SYNPO2: variants seen among roughly 807,000 people sequenced by gnomAD.
SYNPO2 encodes synaptopodin 2, also known as synaptopodin-2.
Under a neutral mutation model 85.0 loss-of-function variants are expected in SYNPO2, and 56 were observed. That is an observed-to-expected ratio of 0.66 (90% CI 0.53 to 0.82). The LOEUF (loss-of-function observed/expected upper bound fraction) is 0.82, where lower values mean the gene tolerates loss of function less well. SYNPO2 is among the 40% of genes least tolerant of loss of function. SYNPO2 has a pLI of 0.00. For synonymous variants in SYNPO2, 602 were observed against 591.1 expected, an observed-to-expected ratio of 1.02 and a Z score of -0.27; for missense variants, 1,575 against 1,534.2, an observed-to-expected ratio of 1.03 and a Z score of -0.44.
At chr4:118,993,073 G>A (rs1001651815) in intron 1 of SYNPO2, among the ~76,000 whole-genome samples, 3 of 152,164 alleles carry the variant, frequency 2.0e-5, no homozygotes, top group Admixed American at 1.3e-4. Context: ...GTAGATATGC[G>A]AGTTAATGGG....
chr4:119,006,998 T>G (rs1737054173), intron 1 of SYNPO2, among the ~76,000 whole-genome samples: 1 of 151,484 alleles, frequency 6.6e-6, no homozygotes, highest in African/African-American at 2.4e-5. Context: ...TTCATTACAT[T>G]TCGGGACTTC....
intron 1 of SYNPO2, among the ~76,000 whole-genome samples, chr4:119,003,853 A>G (rs1387765629): frequency 6.6e-6 from 1 of 152,166 alleles, no homozygotes; most frequent in African/African-American, 2.4e-5. Context: ...CTAGAAAGGT[A>G]TAAATTCCAG....
At chr4:119,042,348 T>C (rs576944779) in intron 4 of SYNPO2, 1 of 152,316 alleles carries the variant, frequency 6.6e-6, no homozygotes, top group South Asian at 2.1e-4. Flanking sequence ...ATGATACAAT[T>C]TTATTATCTA....
intron 4 of SYNPO2, among the ~76,000 whole-genome samples, chr4:119,038,958 G>A (rs1738622982): frequency 6.6e-6 from 1 of 151,146 alleles, no homozygotes; most frequent in African/African-American, 2.4e-5. Context: ...AGGAACTAGT[G>A]TGATAGATTC....
chr4:118,942,409 A>G (rs566583631), intron 1 of SYNPO2, among the ~76,000 whole-genome samples: 1 of 152,336 alleles, frequency 6.6e-6, no homozygotes, highest in South Asian at 2.1e-4. Context: ...TATTGACTGA[A>G]TGAAAGAATG....
At chr4:119,045,107 C>T (rs148296665) in intron 4 of SYNPO2, among the ~76,000 whole-genome samples, 223 of 152,238 alleles carry the variant, frequency 1.5e-3, no homozygotes, top group African/African-American at 5.1e-3. Context: ...TAAGATTTTT[C>T]TCTAAAAAAG....
intron 1 of SYNPO2, among the ~76,000 whole-genome samples, chr4:118,943,336 G>A (rs1734385244): frequency 6.6e-6 from 1 of 152,188 alleles, no homozygotes; most frequent in African/African-American, 2.4e-5. Flanking sequence ...GAGGGGCTCG[G>A]TATCAGAGCA....
At chr4:118,925,179 T>C (rs1240425154) in intron 1 of SYNPO2, among the ~76,000 whole-genome samples, 1 of 152,172 alleles carries the variant, frequency 6.6e-6, no homozygotes, top group African/African-American at 2.4e-5. Context: ...TTCAGTGCCA[T>C]GGTTATTCAA....
chr4:119,037,950 G>A (rs1268931299), intron 4 of SYNPO2: 1 of 206,952 alleles, frequency 4.8e-6, no homozygotes, highest in Admixed American at 6.5e-5. Flanking sequence ...CAATTATACT[G>A]TGATTTCATT....
chr4:118,990,616 T>C (rs1736380911), intron 1 of SYNPO2, among the ~76,000 whole-genome samples: 1 of 152,078 alleles, frequency 6.6e-6, no homozygotes, highest in South Asian at 2.1e-4. Flanking sequence ...TTTGTTTGTT[T>C]GTTTGTTTTT....
chr4:118,905,395 C>T (rs1341398710), intron 1 of SYNPO2, among the ~76,000 whole-genome samples: 2 of 151,852 alleles, frequency 1.3e-5, no homozygotes, highest in South Asian at 2.1e-4. Context: ...AACCTAATAT[C>T]GCCTTACCTG....
rs1170399126 is a variant in SYNPO2, at chr4:119,060,179, TAG to T, written c.*2250_*2251del. The T allele has an allele frequency of 1.1e-4, 17 of 152,160 alleles. No homozygotes were observed. Among genetic ancestry groups the T allele is most frequent in the African/African-American group, 4.1e-4 (17 of 41,452 alleles). 9.4% of individuals were successfully genotyped at this position (152,160 alleles called of 1,614,324 possible). ...ACTAAAATTTTCAGCAGACTCAAAATAGAGAGGAGACTTTAAACTTACATGTT... is the reference window on the plus strand; with the variant it reads ...ACTAAAATTTTCAGCAGACTCAAAATAGAGGAGACTTTAAACTTACATGTT... On this transcript the variant is annotated 3_prime_UTR_variant, in exon 5 of 5. Coordinates refer to ENST00000307142, the MANE Select transcript of SYNPO2 (RefSeq NM_133477.3).
chr4:119,028,549 A>C (rs1409848423), intron 3 of SYNPO2, among the ~76,000 whole-genome samples: 1 of 152,202 alleles, frequency 6.6e-6, no homozygotes, highest in African/African-American at 2.4e-5. Context: ...GCAACTGTGC[A>C]ACTGTGACTG....
rs111747074 is a variant in SYNPO2, at chr4:118,913,237, C to T, written c.105+24096C>T. 5.1e-3 allele frequency among the ~76,000 whole-genome samples: 776 copies of T among 152,046 alleles called. 7 individuals carry two copies. The highest frequency in any genetic ancestry group is 0.017 in the African/African-American group (687 of 41,480). Reference sequence around the variant, plus strand: ...ATATAATGTATTATGAAATACAAATCATGAAAAAATTAATTCTGCATAGTA... The same window carrying T: ...ATATAATGTATTATGAAATACAAATTATGAAAAAATTAATTCTGCATAGTA... On this transcript the variant is annotated intron_variant, in intron 1 of 4. Transcript: ENST00000307142.
At chr4:118,857,003 T>C (rs1377505080) in intron 1 of SYNPO2, among the ~76,000 whole-genome samples, 2 of 152,110 alleles carry the variant, frequency 1.3e-5, no homozygotes, top group African/African-American at 4.8e-5. Flanking sequence ...GTATTCTTTA[T>C]AAGTATAGCC....
intron 1 of SYNPO2, among the ~76,000 whole-genome samples, chr4:118,918,648 C>T (rs1560862942): frequency 1.3e-5 from 2 of 152,130 alleles, no homozygotes; most frequent in Non-Finnish European, 2.9e-5. Context: ...TGATGTGGAA[C>T]AAGAGAGTAG....
chr4:119,039,224 G>T (rs1738631304), intron 4 of SYNPO2, among the ~76,000 whole-genome samples: 1 of 152,046 alleles, frequency 6.6e-6, no homozygotes, highest in Non-Finnish European at 1.5e-5. Context: ...AGAAAATTGA[G>T]GTAAAGAAAA....
intron 1 of SYNPO2, among the ~76,000 whole-genome samples, chr4:118,891,883 C>T (rs566530606): frequency 1.3e-5 from 2 of 152,278 alleles, no homozygotes; most frequent in South Asian, 4.2e-4. Context: ...TTGAACCATG[C>T]TCCTTAAAAT....
chr4:118,927,889 A>G (rs1733792689), intron 1 of SYNPO2, among the ~76,000 whole-genome samples: 5 of 152,160 alleles, frequency 3.3e-5, no homozygotes, highest in Admixed American at 2.6e-4. Context: ...TACTGGCATT[A>G]TACAGAAATT....
Sources: gnomAD v4.1 joint callset for allele counts (sites outside exome capture counted in the v4.1 genomes callset) on GRCh38, gnomAD v4.1.1 for gene constraint, MANE v1.5 for transcripts, NCBI Gene and HGNC (gene_info 2026-07-23, HGNC 2026-07-21) for gene names.